The following ZNF324B variants were observed in gnomAD, a reference collection of about 807,000 sequenced individuals.
The protein encoded by ZNF324B is zinc finger protein 324B.
Under a neutral mutation model 10.6 loss-of-function variants are expected in ZNF324B, and 7 were observed. The ratio of observed to expected loss-of-function variants is 0.66; its 90% CI spans 0.38 to 1.24. The LOEUF (loss-of-function observed/expected upper bound fraction) is 1.24. Among genes scored for constraint, ZNF324B ranks in the 50% most tolerant of loss-of-function variants. The pLI is 0.02. For synonymous variants in ZNF324B, 316 were observed against 321.0 expected, an observed-to-expected ratio of 0.98 and a Z score of 0.17; for missense variants, 640 against 764.7, an observed-to-expected ratio of 0.84 and a Z score of 1.92.
At chr19:58,425,157 G>A in the ZNF324B span, among the ~76,000 whole-genome samples, 2 of 152,094 alleles carry the variant, frequency 1.3e-5, no homozygotes, top group Non-Finnish European at 2.9e-5. Flanking sequence ...TCAGGAGGCT[G>A]AGGCAGGGGA....
chr19:58,456,690 G>C lies in ZNF324B; in HGVS notation c.*111G>C. On this transcript the variant is annotated 3_prime_UTR_variant, in exon 4 of 4. Coordinates refer to ENST00000336614, the MANE Select transcript of ZNF324B (RefSeq NM_207395.3). The surrounding 1 kb of genome is among the most constrained non-coding windows in gnomAD (Gnocchi z 4.7). Reference sequence around the variant, plus strand: ...ATGGGGAAAAGCTCTGTGCCTGAGAGTCAGGGACGAGGGAGACCCTTTGGC... The same window carrying C: ...ATGGGGAAAAGCTCTGTGCCTGAGACTCAGGGACGAGGGAGACCCTTTGGC... 3.0e-6 allele frequency: 4 copies of C among 1,343,396 alleles called. No individual in the cohort carries two copies. The highest frequency in any genetic ancestry group is 4.0e-6 in the Non-Finnish European group (4 of 993,854). 83.2% of individuals were successfully genotyped at this position (1,343,396 alleles called of 1,614,324 possible).
chr19:58,453,120 AATAAAT>A (rs1201360902), intron 1 of ZNF324B: 1 of 149,542 alleles, frequency 6.7e-6, no homozygotes. Flanking sequence ...TAAATAAATA[AATAAAT>A]AAATTGAGGA....
At chr19:58,423,019 G>A in the ZNF324B span, among the ~76,000 whole-genome samples, 2 of 151,440 alleles carry the variant, frequency 1.3e-5, no homozygotes, top group East Asian at 1.9e-4. Context: ...ACAGGTGCAC[G>A]CCACTATGCT....
chr19:58,453,620 G>A, intron 1 of ZNF324B, 76 bp from the exon 2 acceptor site: 5 of 1,580,534 alleles, frequency 3.2e-6, no homozygotes, highest in Non-Finnish European at 2.6e-6. Flanking sequence ...GGAGGTGACT[G>A]TTGGGATGGG....
the ZNF324B span, among the ~76,000 whole-genome samples, chr19:58,427,291 T>TTTTTTC: frequency 1.7e-5 from 1 of 58,310 alleles, no homozygotes; most frequent in African/African-American, 5.8e-5. Flanking sequence ...TGCCTGGCTT[T>TTTTTTC]TTTCTTTCTT....
the ZNF324B span, among the ~76,000 whole-genome samples, chr19:58,427,506 T>C: frequency 0.06 from 5,359 of 88,636 alleles, 103 homozygotes; most frequent in Non-Finnish European, 0.078. Context: ...TTCTTTCTTT[T>C]TCTTTCTTTC....
At chr19:58,426,784 A>T in the ZNF324B span, among the ~76,000 whole-genome samples, 9 of 152,248 alleles carry the variant, frequency 5.9e-5, no homozygotes, top group African/African-American at 2.2e-4. Context: ...ACTGCCCAGT[A>T]GATTCCAGAA....
the ZNF324B span, chr19:58,428,567 T>C: frequency 6.6e-6 from 1 of 152,218 alleles, no homozygotes; most frequent in African/African-American, 2.4e-5. Context: ...GACCATGATT[T>C]CTGTCTTCTC....
chr19:58,423,554 C>G, the ZNF324B span, among the ~76,000 whole-genome samples: 6 of 152,270 alleles, frequency 3.9e-5, no homozygotes, highest in African/African-American at 1.4e-4. Flanking sequence ...TTTTTCCCCA[C>G]AGAATTAGAA....
the ZNF324B span, chr19:58,433,736 G>A: frequency 6.2e-7 from 1 of 1,614,044 alleles, no homozygotes; most frequent in Non-Finnish European, 8.5e-7. Context: ...CACTCATAAG[G>A]CCTTTCTTTT....
At chr19:58,423,269 T>C in the ZNF324B span, among the ~76,000 whole-genome samples, 1 of 152,166 alleles carries the variant, frequency 6.6e-6, no homozygotes, top group Non-Finnish European at 1.5e-5. Flanking sequence ...CTCGCCATTC[T>C]CCTGCCTCAG....
chr19:58,449,755 C>A (rs2052842627), upstream of ZNF324B, among the ~76,000 whole-genome samples: 1 of 152,202 alleles, frequency 6.6e-6, no homozygotes, highest in Admixed American at 6.5e-5. Context: ...AACGGCTGTA[C>A]CCCAATTGTA....
the ZNF324B span, chr19:58,444,334 G>A: frequency 9.9e-5 from 15 of 152,234 alleles, no homozygotes; most frequent in African/African-American, 3.4e-4. Context: ...AACGGATAAT[G>A]TATCTTTAAA....
the ZNF324B span, among the ~76,000 whole-genome samples, chr19:58,422,739 T>A: frequency 6.6e-6 from 1 of 152,186 alleles, no homozygotes; most frequent in African/African-American, 2.4e-5. Context: ...GATAATAGAA[T>A]TGAAGAGACC....
Position 58,456,657 on chromosome 19 carries a change from G to T in ZNF324B, c.*78G>T. 2.7e-6 allele frequency: 4 copies of T among 1,484,888 alleles called. No individual in the cohort carries two copies. Among genetic ancestry groups the T allele is most frequent in the Non-Finnish European group, 3.6e-6 (4 of 1,102,606 alleles). 92.0% of individuals were successfully genotyped at this position (1,484,888 alleles called of 1,614,324 possible). On this transcript the variant is annotated 3_prime_UTR_variant, in exon 4 of 4. Transcript: ENST00000336614. The surrounding 1 kb of genome is among the most constrained non-coding windows in gnomAD (Gnocchi z 4.7). The stretch of plus-strand genomic sequence containing the variant: ...AGCTAAAGGGTCCGAGTGCTCTTCA[G>T]ATCCACGATGGGGAAAAGCTCTGTG...
At chr19:58,419,629 G>A in the ZNF324B span, among the ~76,000 whole-genome samples, 1 of 152,146 alleles carries the variant, frequency 6.6e-6, no homozygotes, top group African/African-American at 2.4e-5. Flanking sequence ...CACCTCTCAT[G>A]GCCATTATCC....
chr19:58,433,265 C>T, the ZNF324B span: 3 of 1,534,798 alleles, frequency 2.0e-6, no homozygotes, highest in Admixed American at 3.7e-5. Context: ...GATTCTGCTG[C>T]ATGAAGTTTG....
In ZNF324B at chr19:58,453,795, G is replaced by C. The variant is rs1824368546; in HGVS notation, c.94G>C (p.Glu32Gln). The C allele has an allele frequency of 6.2e-7, 1 of 1,614,036 alleles. No individual in the cohort carries two copies. The highest frequency in any genetic ancestry group is 8.5e-7 in the Non-Finnish European group (1 of 1,180,000). Residue 32 changes from glutamate to glutamine, a missense_variant, in exon 2 of 4, where the codon GAA (glutamate) becomes CAA (glutamine). Coordinates refer to ENST00000336614, the MANE Select transcript of ZNF324B (RefSeq NM_207395.3). ...GGCCCTGTACCGCCACGTGATGCTG[G>C]AAAACTTCACACTTGTGACCTCACT... ...QRALYRHVML[E>Q]NFTLVTSLGL...
chr19:58,453,936 G>A, intron 2 of ZNF324B, 114 bp downstream of exon 2: 1 of 1,465,348 alleles, frequency 6.8e-7, no homozygotes, highest in South Asian at 1.3e-5. Context: ...CGTGGAACAA[G>A]GGTCTGGTCC....
Sources: gnomAD v4.1 joint callset for allele counts (sites outside exome capture counted in the v4.1 genomes callset) on GRCh38, gnomAD v4.1.1 for gene constraint, Gnocchi (gnomAD v3.1) non-coding constraint, MANE v1.5 for transcripts, NCBI Gene and HGNC (gene_info 2026-07-23, HGNC 2026-07-21) for gene names.